CPNE4: variants seen among roughly 807,000 people sequenced by gnomAD.
CPNE4 encodes copine 4, also known as copine-4.
A neutral mutation model predicts 67.9 loss-of-function variants in CPNE4; 25 were observed. The observed-to-expected ratio is 0.37, with a 90% CI of 0.27 to 0.51. The LOEUF is 0.51. Ranked by LOEUF, CPNE4 falls within the 20% of genes least tolerant of loss-of-function variation. The probability of loss-of-function intolerance (pLI) is 0.93; values close to 1 mark genes in which losing one functional copy is unlikely to be tolerated. For missense variants in CPNE4, 464 were observed against 690.8 expected (o/e 0.67, Z 3.68); for synonymous variants, 242 against 244.9 (o/e 0.99, Z 0.11).
chr3:131,788,949 T>G (rs966260476), intron 2 of CPNE4, among the ~76,000 whole-genome samples: 2 of 151,880 alleles, frequency 1.3e-5, no homozygotes, highest in African/African-American at 4.8e-5. Context: ...TTCTTTTCTT[T>G]ATTCTTAAAA....
At chr3:131,578,316 C>G (rs960011437) in intron 9 of CPNE4, among the ~76,000 whole-genome samples, 1 of 152,068 alleles carries the variant, frequency 6.6e-6, no homozygotes, top group Non-Finnish European at 1.5e-5. Flanking sequence ...ATGAACCAAG[C>G]CCACATAAGA....
At chr3:131,777,723 C>A (rs1212471971) in intron 2 of CPNE4, among the ~76,000 whole-genome samples, 1 of 152,048 alleles carries the variant, frequency 6.6e-6, no homozygotes, top group Non-Finnish European at 1.5e-5. Flanking sequence ...TTGAATATTT[C>A]AAAAGAATCT....
chr3:131,987,060 A>T (rs1409323023), intron 1 of CPNE4, among the ~76,000 whole-genome samples: 4 of 152,188 alleles, frequency 2.6e-5, no homozygotes, highest in Non-Finnish European at 5.9e-5. Context: ...GTGAGAATGA[A>T]TGCTCCATAA....
chr3:131,791,896 A>G (rs2107881803), intron 2 of CPNE4, among the ~76,000 whole-genome samples: 1 of 152,228 alleles, frequency 6.6e-6, no homozygotes, highest in Middle Eastern at 3.4e-3. Flanking sequence ...TTGGTGGAGG[A>G]CTCATTTCAT....
intron 2 of CPNE4, among the ~76,000 whole-genome samples, chr3:131,733,953 C>T (rs955204464): frequency 3.9e-5 from 6 of 152,180 alleles, no homozygotes; most frequent in Admixed American, 3.3e-4. Flanking sequence ...GGAAGGTGGC[C>T]TTGCTGAGGC....
chr3:131,911,543 TTGTGTGTG>T (rs3041573), intron 1 of CPNE4, among the ~76,000 whole-genome samples: 2,963 of 146,028 alleles, frequency 0.02, 52 homozygotes, highest in South Asian at 0.054. Context: ...GCACTCCAAG[TTGTGTGTG>T]TGTGTGTGTG....
chr3:131,956,976 C>T (rs2071994568), intron 1 of CPNE4, among the ~76,000 whole-genome samples: 1 of 152,146 alleles, frequency 6.6e-6, no homozygotes, highest in African/African-American at 2.4e-5. Flanking sequence ...TATAAAATAT[C>T]TTTTTAAATT....
At chr3:131,681,626 G>C (rs1483174768) in intron 6 of CPNE4, among the ~76,000 whole-genome samples, 1 of 151,956 alleles carries the variant, frequency 6.6e-6, no homozygotes, top group Non-Finnish European at 1.5e-5. Flanking sequence ...ATATCTGTTT[G>C]GTGTTCTATA....
At chr3:131,740,032 C>G (rs977115284) in intron 2 of CPNE4, among the ~76,000 whole-genome samples, 1 of 152,152 alleles carries the variant, frequency 6.6e-6, no homozygotes, top group Admixed American at 6.5e-5. Flanking sequence ...CCCACAGAAC[C>G]AATTGGCTTC....
intron 1 of CPNE4, among the ~76,000 whole-genome samples, chr3:131,973,000 G>C (rs1174025300): frequency 6.6e-6 from 1 of 152,078 alleles, no homozygotes; most frequent in Non-Finnish European, 1.5e-5. Context: ...TCTACAACTA[G>C]CTTAAGTCTC....
At chr3:131,560,155 A>G (rs985254152) in intron 11 of CPNE4, among the ~76,000 whole-genome samples, 2 of 152,060 alleles carry the variant, frequency 1.3e-5, no homozygotes, top group African/African-American at 2.4e-5. Flanking sequence ...TTGAGTATTT[A>G]TAAAGGTAGA....
At chr3:131,663,270 A>T (rs2080172341) in intron 7 of CPNE4, among the ~76,000 whole-genome samples, 1 of 151,322 alleles carries the variant, frequency 6.6e-6, no homozygotes. Context: ...ATGAGAAGAC[A>T]TGGACACAGG....
chr3:131,674,330 G>T (rs1397758486), intron 6 of CPNE4, among the ~76,000 whole-genome samples: 1 of 152,004 alleles, frequency 6.6e-6, no homozygotes, highest in Non-Finnish European at 1.5e-5. Context: ...TAGCCTCATA[G>T]AATGAGTTTG....
chr3:131,630,689 G>A (rs1300078525), intron 7 of CPNE4, among the ~76,000 whole-genome samples: 2 of 152,162 alleles, frequency 1.3e-5, no homozygotes, highest in African/African-American at 4.8e-5. Context: ...TGACCATATT[G>A]AATGGAACAG....
At chr3:131,695,463 C>T (rs1489771699) in intron 5 of CPNE4, among the ~76,000 whole-genome samples, 1 of 152,172 alleles carries the variant, frequency 6.6e-6, no homozygotes, top group Non-Finnish European at 1.5e-5. Context: ...AGATGACAAA[C>T]TAGAGGTACT....
At chr3:131,581,888 T>C (rs1336354869) in intron 8 of CPNE4, among the ~76,000 whole-genome samples, 1 of 152,202 alleles carries the variant, frequency 6.6e-6, no homozygotes, top group African/African-American at 2.4e-5. Context: ...CTTCCCTGCT[T>C]ATGTGACTTT....
chr3:131,879,190 G>C (rs56297314), intron 2 of CPNE4, among the ~76,000 whole-genome samples: 11,497 of 152,204 alleles, frequency 0.076, 585 homozygotes, highest in East Asian at 0.17. Flanking sequence ...AAATCACATG[G>C]AGTGTATGAG....
chr3:131,891,194 A>G (rs957375661), intron 2 of CPNE4, among the ~76,000 whole-genome samples: 1 of 152,092 alleles, frequency 6.6e-6, no homozygotes, highest in African/African-American at 2.4e-5. Context: ...TGATACCAGT[A>G]TGAGTGCCCA....
chr3:131,900,494 A>G (rs529401255), intron 2 of CPNE4, among the ~76,000 whole-genome samples: 3 of 152,054 alleles, frequency 2.0e-5, no homozygotes, highest in Non-Finnish European at 4.4e-5. Context: ...CCTACCACAC[A>G]TTCAGGGAAA....
Sources: gnomAD v4.1 joint callset for allele counts (sites outside exome capture counted in the v4.1 genomes callset) on GRCh38, gnomAD v4.1.1 for gene constraint, MANE v1.5 for transcripts, NCBI Gene and HGNC (gene_info 2026-07-23, HGNC 2026-07-21) for gene names.